Variants in USP9X observed in about 807,000 individuals in gnomAD.
The protein encoded by USP9X is ubiquitin carboxyl-terminal hydrolase 9X.
Under a neutral mutation model 190.3 loss-of-function variants are expected in USP9X, and 7 were observed. The observed-to-expected ratio is 0.04, with a 90% CI of 0.02 to 0.07. The LOEUF is 0.07. USP9X is among the 10% of genes least tolerant of loss of function. The probability of loss-of-function intolerance (pLI) is 1.00; values close to 1 mark genes in which losing one functional copy is unlikely to be tolerated. For synonymous variants in USP9X, 645 were observed against 659.5 expected, an observed-to-expected ratio of 0.98 and a Z score of 0.34; for missense variants, 1,010 against 1,916.9, an observed-to-expected ratio of 0.53 and a Z score of 8.83.
rs185735655 is a variant in USP9X at position 41,088,108 on chromosome X, C to T, written c.-159+1999C>T. Among the ~76,000 whole-genome samples the T allele has an allele frequency of 2.0e-3, 219 of 112,010 alleles. 2 individuals carry two copies. In the Middle Eastern group the frequency reaches 0.056, roughly 29 times the overall value. On this transcript the variant is annotated intron_variant, in intron 1 of 44. Transcript: ENST00000378308. Reference sequence around the variant, plus strand: ...AAGGGATTCTCCTGCCTCAGCCTCCCTGGTAGCTGGGACTACAGGCGCGTG... The same window carrying T: ...AAGGGATTCTCCTGCCTCAGCCTCCTTGGTAGCTGGGACTACAGGCGCGTG...
At chrX:41,138,993 G>A (rs942039000) in intron 6 of USP9X, among the ~76,000 whole-genome samples, 1 of 112,519 alleles carries the variant, frequency 8.9e-6, no homozygotes, top group Non-Finnish European at 1.9e-5. Flanking sequence ...TCAGTTTGAA[G>A]CACTCTTATC....
intron 3 of USP9X, among the ~76,000 whole-genome samples, chrX:41,129,626 A>G (rs1408202847): frequency 1.8e-5 from 2 of 111,752 alleles, no homozygotes; most frequent in African/African-American, 6.5e-5. Flanking sequence ...CCCACCCCAC[A>G]CACTTTGATT....
chrX:41,143,931 G>A (rs999189097), intron 10 of USP9X, among the ~76,000 whole-genome samples: 2 of 111,506 alleles, frequency 1.8e-5, no homozygotes, highest in East Asian at 2.8e-4. Flanking sequence ...TTTTCTAATC[G>A]TGGATTTCTT....
intron 26 of USP9X, among the ~76,000 whole-genome samples, chrX:41,192,137 T>G (rs951006332): frequency 8.9e-6 from 1 of 112,127 alleles, no homozygotes; most frequent in East Asian, 2.8e-4. Flanking sequence ...CTAGAAAATA[T>G]GAGCATGTTG....
intron 1 of USP9X, among the ~76,000 whole-genome samples, chrX:41,089,656 G>T (rs1396372903): frequency 1.8e-5 from 2 of 111,420 alleles, no homozygotes; most frequent in Non-Finnish European, 3.8e-5. Flanking sequence ...ATGAAATTCT[G>T]TTATCTCAGT....
chrX:41,154,584 G>A (rs1208426372), intron 14 of USP9X, among the ~76,000 whole-genome samples: 2 of 111,690 alleles, frequency 1.8e-5, no homozygotes, highest in South Asian at 3.7e-4. Context: ...TTGAGTTACC[G>A]CCTCATCTCA....
At chrX:41,204,413 G>GTT (rs35557222) in intron 31 of USP9X, among the ~76,000 whole-genome samples, 2 of 95,006 alleles carry the variant, frequency 2.1e-5, no homozygotes, top group African/African-American at 3.9e-5. Flanking sequence ...TTTGCCCTAT[G>GTT]TTTTTTTTTT....
At position 41,186,632 on chromosome X, in the gene USP9X, T is replaced by A; in HGVS notation, c.3674T>A (p.Ile1225Lys). Reference protein sequence around the residue: ...RNVSVRLAQQISDEASRYMPD... With the variant: ...RNVSVRLAQQKSDEASRYMPD... ...GTGTCAGTTCGTCTTGCTCAGCAGATATCTGATGAGGTTAGTTTTATCAAG... is the reference window on the plus strand; with the variant it reads ...GTGTCAGTTCGTCTTGCTCAGCAGAAATCTGATGAGGTTAGTTTTATCAAG... The change falls in exon 24 of 45, where the codon ATA (isoleucine) becomes AAA (lysine). Residue 1225 changes from isoleucine (I) to lysine (K), a missense_variant. This residue lies in a region of USP9X where 351 missense variants were observed against 480.8 expected (regional missense o/e 0.73). Coordinates refer to ENST00000378308, the MANE Select transcript of USP9X (RefSeq NM_001039591.3). The A allele has an allele frequency of 8.3e-7, 1 of 1,211,029 alleles. No individual in the cohort carries two copies. Among genetic ancestry groups the A allele is most frequent in the Non-Finnish European group, 1.1e-6 (1 of 895,116 alleles).
Position 41,232,805 on chromosome X carries a change from AAC to A in USP9X, c.*282_*283del. The A allele has an allele frequency of 8.7e-6, 1 of 115,256 alleles. No individual in the cohort carries two copies. The highest frequency in any genetic ancestry group is 1.6e-5 in the Non-Finnish European group (1 of 61,716). The allele number at this position is 115,256 out of a possible 1,213,427, so 9.5% of individuals were successfully genotyped here. A position where few individuals can be genotyped will look rare whatever the true frequency, so the allele number is the denominator to read the frequency against. On this transcript the variant is annotated 3_prime_UTR_variant, in exon 45 of 45. Coordinates refer to ENST00000378308, the MANE Select transcript of USP9X (RefSeq NM_001039591.3). ...GTTGACTGTTAATTCTTAAGCAAGA[AAC>A]TTTTTTCTTGATGAGACTCACAGAT...
At chrX:41,217,866 GGCAGCAGA>G (rs2063226794) in intron 36 of USP9X, among the ~76,000 whole-genome samples, 1 of 111,755 alleles carries the variant, frequency 8.9e-6, no homozygotes, top group African/African-American at 3.3e-5. Context: ...CTCCAGCCTG[GGCAGCAGA>G]GCAAGACCCT....
At chrX:41,137,226 G>C (rs754063174) in intron 6 of USP9X, among the ~76,000 whole-genome samples, 1 of 111,106 alleles carries the variant, frequency 9.0e-6, no homozygotes, top group Non-Finnish European at 1.9e-5. Context: ...CTTCTGTCCA[G>C]CCTCTTTAGA....
intron 21 of USP9X, among the ~76,000 whole-genome samples, chrX:41,177,790 G>A (rs1274261105): frequency 9.0e-6 from 1 of 110,622 alleles, no homozygotes; most frequent in Non-Finnish European, 1.9e-5. Context: ...CTTTATATTT[G>A]TCATATATGA....
Position 41,101,595 on chromosome X carries a change from C to T in USP9X, c.-159+15486C>T, listed in dbSNP as rs191897541. On this transcript the variant is annotated intron_variant, in intron 1 of 44. Coordinates refer to ENST00000378308, the MANE Select transcript of USP9X (RefSeq NM_001039591.3). Reference sequence around the variant, plus strand: ...CCTCCCTAGTAGCTGGGATTATAGGCGCCCGCCACCACGCCTATAGCAAAG... The same window carrying T: ...CCTCCCTAGTAGCTGGGATTATAGGTGCCCGCCACCACGCCTATAGCAAAG... 3.3e-4 allele frequency among the ~76,000 whole-genome samples: 37 copies of T among 110,643 alleles called. 1 individual carries two copies. In the East Asian group the frequency reaches 0.01, roughly 30 times the overall value.
chrX:41,161,755 CT>C (rs1230566701), intron 14 of USP9X, among the ~76,000 whole-genome samples: 84 of 93,014 alleles, frequency 9.0e-4, no homozygotes, highest in Non-Finnish European at 8.3e-4. Flanking sequence ...CATCCTCTCA[CT>C]TTTTTTTTTT....
At chrX:41,094,053 A>G (rs2061971864) in intron 1 of USP9X, among the ~76,000 whole-genome samples, 1 of 111,776 alleles carries the variant, frequency 8.9e-6, no homozygotes, top group Non-Finnish European at 1.9e-5. Context: ...TCCTTTGTAG[A>G]TATAATTAAT....
chrX:41,217,396 T>G, intron 36 of USP9X, 53 bp downstream of exon 36: 1 of 1,130,190 alleles, frequency 8.8e-7, no homozygotes, highest in Non-Finnish European at 1.2e-6. Flanking sequence ...GTTTGCTTCT[T>G]TAATAGATTG....
chrX:41,120,961 C>T (rs1242553351), intron 1 of USP9X, among the ~76,000 whole-genome samples: 1 of 107,114 alleles, frequency 9.3e-6, no homozygotes, highest in Non-Finnish European at 1.9e-5. Flanking sequence ...GACTCAGCCT[C>T]CTCAGTAGCT....
chrX:41,087,565 CAT>C (rs973201350), intron 1 of USP9X, among the ~76,000 whole-genome samples: 3 of 112,693 alleles, frequency 2.7e-5, no homozygotes, highest in East Asian at 2.8e-4. Context: ...TTTTTAAACT[CAT>C]GTGCTGTGTC....
intron 21 of USP9X, among the ~76,000 whole-genome samples, chrX:41,176,824 ATTGGGGT>A (rs2062778721): frequency 8.9e-6 from 1 of 112,271 alleles, no homozygotes; most frequent in Non-Finnish European, 1.9e-5. Context: ...TTGTGAGCTA[ATTGGGGT>A]TATAGAAACG....
Sources: gnomAD v4.1 joint callset for allele counts (sites outside exome capture counted in the v4.1 genomes callset) on GRCh38, gnomAD v4.1.1 for gene constraint, gnomAD v4.1.1 regional missense constraint, MANE v1.5 for transcripts, NCBI Gene and HGNC (gene_info 2026-07-23, HGNC 2026-07-21) for gene names.